Variants in ASXL1 observed in about 807,000 individuals in gnomAD.
ASXL1 encodes the protein ASXL transcriptional regulator 1.
ASXL1 carries 65 observed loss-of-function variants against 89.1 expected under a neutral mutation model. The ratio of observed to expected loss-of-function variants is 0.73; its 90% CI spans 0.60 to 0.90. The LOEUF is 0.90. ASXL1 is among the 40% of genes least tolerant of loss of function. The pLI, the probability that ASXL1 is intolerant of heterozygous loss-of-function variation, is 0.00. For synonymous variants in ASXL1, 739 were observed against 746.9 expected (o/e 0.99, Z 0.17); for missense variants, 1,786 against 1,942.9 (o/e 0.92, Z 1.52).
At chr20:32,417,960 C>T (rs1489108095) in intron 4 of ASXL1, among the ~76,000 whole-genome samples, 1 of 151,958 alleles carries the variant, frequency 6.6e-6, no homozygotes, top group African/African-American at 2.4e-5. Context: ...AGGCGAATCA[C>T]GAGGTCAGGA....
chr20:32,365,517 T>A (rs1472576415), intron 1 of ASXL1, among the ~76,000 whole-genome samples: 1 of 152,124 alleles, frequency 6.6e-6, no homozygotes, highest in Non-Finnish European at 1.5e-5. Flanking sequence ...GCTATGGCAG[T>A]TAAATGGACT....
intron 3 of ASXL1, among the ~76,000 whole-genome samples, chr20:32,368,133 A>G (rs1200530590): frequency 6.6e-6 from 1 of 152,170 alleles, no homozygotes; most frequent in Non-Finnish European, 1.5e-5. Flanking sequence ...TAAGCTATTT[A>G]TATATTTTTT....
intron 6 of ASXL1, chr20:32,428,690 C>G: frequency 3.0e-6 from 1 of 332,686 alleles, no homozygotes; most frequent in East Asian, 6.1e-5. Context: ...GAGATGGAGT[C>G]GCGCCTGTCG....
rs1173484157 is a variant in ASXL1, at chr20:32,358,517, G to T, written c.-259G>T. 2.2e-5 allele frequency: 5 copies of T among 225,702 alleles called. No homozygotes were observed. The highest frequency in any genetic ancestry group is 4.4e-5 in the Non-Finnish European group (5 of 113,372). 14.0% of individuals were successfully genotyped at this position (225,702 alleles called of 1,614,324 possible). A position where few individuals can be genotyped will look rare whatever the true frequency, so the allele number is the denominator to read the frequency against. On this transcript the variant is annotated 5_prime_UTR_variant, in exon 1 of 13. Transcript: ENST00000375687. ...AGCCGCCGCATTCCTTAGCGATCGC[G>T]GGGCAGCCGCCGCTGCCGCCGTGGG...
At chr20:32,392,265 C>T (rs1481990901) in intron 4 of ASXL1, among the ~76,000 whole-genome samples, 1 of 151,370 alleles carries the variant, frequency 6.6e-6, no homozygotes, top group East Asian at 1.9e-4. Context: ...CAGGCGTGTG[C>T]CACCAAGCCT....
chr20:32,419,601 G>GTTTTTGTTATAAATTATA (rs948908286), intron 4 of ASXL1, among the ~76,000 whole-genome samples: 2 of 150,806 alleles, frequency 1.3e-5, no homozygotes, highest in African/African-American at 4.9e-5. Flanking sequence ...ACTTACGTTC[G>GTTTTTGTTATAAATTATA]TTTTTGTTAT....
rs6057564 is a variant in ASXL1 at position 32,366,641 on chromosome 20, G to A, written c.140+175G>A. On this transcript the variant is annotated intron_variant, in intron 2 of 12. Coordinates refer to ENST00000375687, the MANE Select transcript of ASXL1 (RefSeq NM_015338.6). ...TCGTCTCAGTGGAGGGTGGCAGTGG[G>A]TGAACATCCATTTGTTTTCATTTAG... 1,618 of 869,756 alleles carry A rather than the reference G, an allele frequency of 1.9e-3. 17 individuals carry two copies. The African/African-American group carries it at 0.024, about 13-fold the overall frequency. The allele number at this position is 869,756 out of a possible 1,614,324, so 53.9% of individuals were successfully genotyped here. A position where few individuals can be genotyped will look rare whatever the true frequency, so the allele number is the denominator to read the frequency against.
chr20:32,402,433 T>C (rs1032965519), intron 4 of ASXL1, among the ~76,000 whole-genome samples: 26 of 152,246 alleles, frequency 1.7e-4, no homozygotes, highest in Non-Finnish European at 3.7e-4. Context: ...ATGCAGATTT[T>C]AGTGTGAAAA....
At chr20:32,405,453 C>T (rs2048939282) in intron 4 of ASXL1, among the ~76,000 whole-genome samples, 1 of 152,236 alleles carries the variant, frequency 6.6e-6, no homozygotes, top group East Asian at 1.9e-4. Context: ...GCTACCTGTC[C>T]ACAATACATT....
At chr20:32,413,144 G>A (rs745562726) in intron 4 of ASXL1, among the ~76,000 whole-genome samples, 2 of 151,784 alleles carry the variant, frequency 1.3e-5, no homozygotes, top group Non-Finnish European at 2.9e-5. Flanking sequence ...GAAAATTGAA[G>A]AGCAAAATAC....
intron 1 of ASXL1, chr20:32,360,001 A>G (rs985787574): frequency 1.7e-6 from 1 of 576,256 alleles, no homozygotes; most frequent in Non-Finnish European, 3.1e-6. Context: ...TTTAATGATG[A>G]GTGAAGCTCA....
rs1172235769 is a variant in ASXL1 at position 32,438,953 on chromosome 20, T to C, written c.*1615T>C. On this transcript the variant is annotated 3_prime_UTR_variant, in exon 13 of 13. Transcript: ENST00000375687. ...TTCGACTTATTACAGAGTTGAGGGT[T>C]CTTGCTTAATTTAGATCAAGTATAA... 8.6e-6 allele frequency: 2 copies of C among 233,532 alleles called. No individual in the cohort carries two copies. The highest frequency in any genetic ancestry group is 4.4e-5 in the African/African-American group (2 of 45,372). The allele number at this position is 233,532 out of a possible 1,614,324, so 14.5% of individuals were successfully genotyped here. A position where few individuals can be genotyped will look rare whatever the true frequency, so the allele number is the denominator to read the frequency against.
At chr20:32,431,215 A>G (rs2011502186) in intron 8 of ASXL1, 106 bp from the exon 9 acceptor site, 2 of 1,353,600 alleles carry the variant, frequency 1.5e-6, no homozygotes, top group East Asian at 2.4e-5. Flanking sequence ...TTGTGTGCAG[A>G]TAACTCCTGG....
intron 4 of ASXL1, among the ~76,000 whole-genome samples, chr20:32,380,609 G>C (rs1052809988): frequency 6.6e-6 from 1 of 152,082 alleles, no homozygotes; most frequent in African/African-American, 2.4e-5. Flanking sequence ...AATTAGCCAG[G>C]TGTGGTAGCC....
chr20:32,404,380 A>C (rs1160631880), intron 4 of ASXL1, among the ~76,000 whole-genome samples: 2 of 152,154 alleles, frequency 1.3e-5, no homozygotes, highest in African/African-American at 4.8e-5. Context: ...TTAGATATAT[A>C]CCTAGTTTTT....
chr20:32,380,276 G>A (rs1017837573), intron 4 of ASXL1, among the ~76,000 whole-genome samples: 30 of 152,056 alleles, frequency 2.0e-4, no homozygotes, highest in Admixed American at 1.3e-4. Context: ...AGGAGACTCC[G>A]TCCCTCCCAT....
intron 1 of ASXL1, among the ~76,000 whole-genome samples, chr20:32,364,133 G>C (rs1208538741): frequency 6.6e-6 from 1 of 152,126 alleles, no homozygotes; most frequent in Non-Finnish European, 1.5e-5. Flanking sequence ...GTTCTTTACC[G>C]GTGGGCCAGT....
At chr20:32,386,754 T>C (rs954521443) in intron 4 of ASXL1, among the ~76,000 whole-genome samples, 42 of 151,360 alleles carry the variant, frequency 2.8e-4, no homozygotes, top group African/African-American at 9.9e-4. Context: ...AATGCCATAT[T>C]GATTCCTGAT....
rs751151810 is a variant in ASXL1 at position 32,431,200 on chromosome 20, G to A, written c.719-121G>A. 10 of 1,171,522 alleles carry A rather than the reference G, an allele frequency of 8.5e-6. No individual in the cohort carries two copies. The East Asian group carries it at 2.5e-4, about 29-fold the overall frequency. 72.6% of individuals were successfully genotyped at this position (1,171,522 alleles called of 1,614,324 possible). ...AGGTTAGGATGGACTGGACAATTGA[G>A]CAGATTGTGTGCAGATAACTCCTGG... On this transcript the variant is annotated intron_variant, in intron 8 of 12. Transcript: ENST00000375687.
Sources: allele counts gnomAD v4.1 joint callset (sites outside exome capture counted in the v4.1 genomes callset), GRCh38; gene constraint gnomAD v4.1.1; transcripts MANE v1.5; gene names NCBI Gene and HGNC (gene_info 2026-07-23, HGNC 2026-07-21).